Variants in MAP3K14 observed in about 807,000 individuals in gnomAD.
MAP3K14 encodes the protein NF-kappa-beta-inducing kinase.
In MAP3K14, 16 loss-of-function variants were observed where a neutral mutation model predicts 99.2. The ratio of observed to expected loss-of-function variants is 0.16; its 90% confidence interval spans 0.11 to 0.24. MAP3K14 has a LOEUF of 0.24. Ranked by LOEUF, MAP3K14 falls within the 10% of genes least tolerant of loss-of-function variation. The pLI is 1.00. For synonymous variants in MAP3K14, 462 were observed against 492.4 expected (o/e 0.94, Z 0.82); for missense variants, 784 against 1,208.7 (o/e 0.65, Z 5.21).
intron 6 of MAP3K14, 77 bp from the exon 7 acceptor site, chr17:45,274,670 T>C: frequency 6.6e-7 from 1 of 1,526,476 alleles, no homozygotes; most frequent in Non-Finnish European, 8.8e-7. Flanking sequence ...GTCAGCACCC[T>C]AGTGCTCCAC....
In MAP3K14 at chr17:45,270,979, A is replaced by AGCG. The variant is rs565220770; in HGVS notation, c.1821+78_1821+79insCGC. 5.8e-4 allele frequency: 891 copies of AGCG among 1,532,410 alleles called. 3 individuals carry two copies. The Admixed American group carries it at 6.1e-3, about 10-fold the overall frequency. The allele number at this position is 1,532,410 out of a possible 1,614,324, so 94.9% of individuals were successfully genotyped here. On this transcript the variant is annotated intron_variant, in intron 10 of 15. Coordinates refer to ENST00000344686, the MANE Select transcript of MAP3K14 (RefSeq NM_003954.5). ...CCCCTTGCTCCATCTGCCACCGCAGAGCAGCCCCTCCAGCCTGCAGCCTGG... is the reference window on the plus strand; with the variant it reads ...CCCCTTGCTCCATCTGCCACCGCAGAGCGGCAGCCCCTCCAGCCTGCAGCCTGG...
chr17:45,281,000 A>C (rs2044218210), intron 6 of MAP3K14, among the ~76,000 whole-genome samples: 1 of 152,204 alleles, frequency 6.6e-6, no homozygotes, highest in African/African-American at 2.4e-5. Flanking sequence ...CATGGCCGTT[A>C]AAAAGCATAA....
At chr17:45,269,279 T>C (rs530084510) in intron 11 of MAP3K14, among the ~76,000 whole-genome samples, 1 of 152,332 alleles carries the variant, frequency 6.6e-6, no homozygotes, top group African/African-American at 2.4e-5. Flanking sequence ...CCCAAAGTGC[T>C]GGGATTACAG....
intron 1 of MAP3K14, among the ~76,000 whole-genome samples, chr17:45,309,613 G>A (rs2044456771): frequency 6.6e-6 from 1 of 152,172 alleles, no homozygotes; most frequent in African/African-American, 2.4e-5. Flanking sequence ...GAGCCTGGCT[G>A]GACAGGGACA....
Position 45,286,720 on chromosome 17 carries a change from G to T in MAP3K14, c.863C>A (p.Ala288Asp), listed in dbSNP as rs781158930. Residue 288 changes from alanine (A) to aspartate (D), a missense_variant, in exon 5 of 16, where the codon GCC becomes GAC. Coordinates refer to ENST00000344686, the MANE Select transcript of MAP3K14 (RefSeq NM_003954.5). The surrounding 1 kb of genome is among the most constrained non-coding windows in gnomAD (Gnocchi z 4.1). ...CAAGGGTTTCTGGCTGTCTACACAG[G>T]CCAGTTTGCCCAGGAAGGACTCCAG... ...HPLESFLGKL[A>D]CVDSQKPLPD... 1.9e-6 allele frequency: 3 copies of T among 1,610,152 alleles called. No individual in the cohort carries two copies. In the East Asian group the frequency reaches 6.7e-5, roughly 36 times the overall value.
rs763752267 is a variant in MAP3K14 at position 45,266,633 on chromosome 17, C to T, written c.2482G>A (p.Val828Ile). 1.9e-5 allele frequency: 31 copies of T among 1,613,382 alleles called. No individual in the cohort carries two copies. Among genetic ancestry groups the T allele is most frequent in the Non-Finnish European group, 2.3e-5 (27 of 1,179,690 alleles). The change falls in exon 14 of 16, where the codon GTA becomes ATA. Residue 828 changes from valine to isoleucine, a missense_variant. Physicochemically the swap from Val to Ile is conservative, Grantham distance 29 (BLOSUM62 3). Transcript: ENST00000344686. Reference protein sequence around the residue: ...QSSRDTLSSGVHSWSSQAEAR... With the variant: ...QSSRDTLSSGIHSWSSQAEAR... The stretch of plus-strand genomic sequence containing the variant: ...TCGGCCTGGCTGCTCCAGGAGTGTA[C>T]GCCTGAGCTCAGGGTGTCCCGCGAG...
At position 45,267,439 on chromosome 17, in the gene MAP3K14, C is replaced by T. The variant is rs777448729; in HGVS notation, c.2293G>A (p.Val765Ile). 3.0e-5 allele frequency: 48 copies of T among 1,605,582 alleles called. No individual in the cohort carries two copies. Among genetic ancestry groups the T allele is most frequent in the South Asian group, 1.2e-4 (11 of 89,732 alleles). Reference protein sequence around the residue: ...NPSSPERKATVPEQELQQLEI... With the variant: ...NPSSPERKATIPEQELQQLEI... ...AGCTGCTGCAGTTCCTGCTCCGGGA[C>T]GGTTGCTTTCCGCTCTGGTGAGCTG... The change falls in exon 12 of 16, where the codon GTC becomes ATC. Residue 765 changes from valine to isoleucine, a missense_variant. This residue lies in a region of MAP3K14 where 128 missense variants were observed against 143.3 expected (regional missense o/e 0.89). Coordinates refer to ENST00000344686, the MANE Select transcript of MAP3K14 (RefSeq NM_003954.5). The surrounding 1 kb of genome is among the most constrained non-coding windows in gnomAD (Gnocchi z 5.1).
chr17:45,270,464 G>A lies in MAP3K14; in HGVS notation c.1921C>T (p.Arg641Cys), dbSNP rs1408097016. 1 of 1,612,114 alleles carries A rather than the reference G, an allele frequency of 6.2e-7. No homozygotes were observed. Among genetic ancestry groups the A allele is most frequent in the Non-Finnish European group, 8.5e-7 (1 of 1,179,460 alleles). The change falls in exon 11 of 16, where the codon CGC becomes TGC. Residue 641 changes from arginine to cysteine, a missense_variant. Physicochemically the swap from Arg to Cys is radical, Grantham distance 180 (BLOSUM62 -3). Transcript: ENST00000344686. ...CCTCCCAGCTCCGCTGCAGACACGC[G>A]GTGGATGGGCTCTTTCCTCAGCCCC... ...QEGLRKEPIHRVSAAELGGKV... is the reference protein window; with the variant it reads ...QEGLRKEPIHCVSAAELGGKV...
intron 1 of MAP3K14, among the ~76,000 whole-genome samples, chr17:45,308,847 T>C (rs1449792406): frequency 6.6e-6 from 1 of 152,104 alleles, no homozygotes; most frequent in Non-Finnish European, 1.5e-5. Flanking sequence ...TTTGTATTTT[T>C]AGTAGAGACG....
intron 1 of MAP3K14, among the ~76,000 whole-genome samples, chr17:45,298,681 A>G (rs1206494486): frequency 6.6e-6 from 1 of 152,224 alleles, no homozygotes; most frequent in African/African-American, 2.4e-5. Flanking sequence ...GTCTAGCTGC[A>G]GAGCAAGGAT....
intron 6 of MAP3K14, among the ~76,000 whole-genome samples, chr17:45,284,261 G>A (rs2044246108): frequency 1.3e-5 from 2 of 152,142 alleles, no homozygotes; most frequent in Admixed American, 6.5e-5. Context: ...CTTGCCACCC[G>A]GCCAGTGACT....
chr17:45,266,492 T>A, intron 14 of MAP3K14, 45 bp downstream of exon 14: 1 of 1,569,390 alleles, frequency 6.4e-7, no homozygotes. Flanking sequence ...TCCAGGCAGA[T>A]CAGCTGCCAC....
chr17:45,287,254 C>A lies in MAP3K14; in HGVS notation c.437G>T (p.Arg146Leu). Residue 146 changes from arginine (R) to leucine (L), a missense_variant, in exon 4 of 16, where the codon CGG becomes CTG. By Grantham distance (102) the Arg-to-Leu change is moderately radical. This residue lies in a region of MAP3K14 where 188 missense variants were observed against 313.0 expected (regional missense o/e 0.60). Transcript: ENST00000344686. ...GKRRSKARKK[R>L]KKKSSKSLAH... ...CAGGGACTTTGAGCTCTTCTTCTTC[C>A]GTTTCTTCCGGGCTTTGCTGCGACG... The A allele has an allele frequency of 6.2e-7, 1 of 1,614,018 alleles. No individual in the cohort carries two copies. The highest frequency in any genetic ancestry group is 8.5e-7 in the Non-Finnish European group (1 of 1,179,888).
chr17:45,316,054 T>A, intron 1 of MAP3K14, among the ~76,000 whole-genome samples: 1 of 152,360 alleles, frequency 6.6e-6, no homozygotes, highest in Middle Eastern at 3.4e-3. Flanking sequence ...AATTAAGTCA[T>A]TGGTGTTCAT....
intron 1 of MAP3K14, among the ~76,000 whole-genome samples, chr17:45,311,100 G>A (rs962119866): frequency 2.6e-5 from 4 of 152,204 alleles, no homozygotes; most frequent in African/African-American, 9.6e-5. Context: ...TTCAGGCTCT[G>A]CCATTAACTA....
chr17:45,291,731 A>C (rs1023140714), intron 1 of MAP3K14, among the ~76,000 whole-genome samples: 1 of 152,220 alleles, frequency 6.6e-6, no homozygotes, highest in Non-Finnish European at 1.5e-5. Context: ...GGGAGTTTTT[A>C]AAGGGCAGGG....
At chr17:45,287,124 G>A (rs1353932478) in intron 4 of MAP3K14, 30 bp downstream of exon 4, 5 of 1,606,132 alleles carry the variant, frequency 3.1e-6, no homozygotes. Flanking sequence ...CCATGAACCT[G>A]GGGTCTGGGC....
chr17:45,283,117 G>T (rs2143812205), intron 6 of MAP3K14, among the ~76,000 whole-genome samples: 1 of 152,348 alleles, frequency 6.6e-6, no homozygotes, highest in Non-Finnish European at 1.5e-5. Flanking sequence ...TGTTTACCTT[G>T]TTGCCTGGGA....
At chr17:45,268,817 G>A (rs2044119063) in intron 11 of MAP3K14, among the ~76,000 whole-genome samples, 2 of 152,054 alleles carry the variant, frequency 1.3e-5, no homozygotes, top group African/African-American at 4.8e-5. Flanking sequence ...GGATCTGCTG[G>A]CATTCGTTTG....
Sources: gnomAD v4.1 joint callset for allele counts (sites outside exome capture counted in the v4.1 genomes callset) on GRCh38, gnomAD v4.1.1 for gene constraint, gnomAD v4.1.1 regional missense constraint, Gnocchi (gnomAD v3.1) non-coding constraint, MANE v1.5 for transcripts, NCBI Gene and HGNC (gene_info 2026-07-23, HGNC 2026-07-21) for gene names.